ARL8B: variants seen among roughly 807,000 people sequenced by gnomAD.
ARL8B encodes ADP-ribosylation factor-like protein 8B.
A neutral mutation model predicts 30.6 loss-of-function variants in ARL8B; 9 were observed. The observed-to-expected ratio is 0.29, with a 90% CI of 0.18 to 0.51. The LOEUF is 0.51. ARL8B is among the 20% of genes least tolerant of loss of function. ARL8B has a pLI of 0.97. For missense variants in ARL8B, 130 were observed against 227.2 expected (o/e 0.57, Z 2.75); for synonymous variants, 74 against 76.0 (o/e 0.97, Z 0.14).
chr3:5,172,608 T>C lies in ARL8B; in HGVS notation c.279-39T>C, dbSNP rs2054686231. 5 of 1,345,166 alleles carry C rather than the reference T, an allele frequency of 3.7e-6. No individual in the cohort carries two copies. In the Admixed American group the frequency reaches 8.9e-5, roughly 24 times the overall value. The allele number at this position is 1,345,166 out of a possible 1,614,324, so 83.3% of individuals were successfully genotyped here. A position where few individuals can be genotyped will look rare whatever the true frequency, so the allele number is the denominator to read the frequency against. On this transcript the variant is annotated intron_variant, in intron 3 of 6. Coordinates refer to ENST00000256496, the MANE Select transcript of ARL8B (RefSeq NM_018184.3). ...AATACTAGTTGTCATCATCAAGGCA[T>C]ACAGAGAAGGTATGTTGAGATCACT...
intron 1 of ARL8B, among the ~76,000 whole-genome samples, chr3:5,163,477 G>C (rs963273436): frequency 6.6e-6 from 1 of 152,176 alleles, no homozygotes; most frequent in African/African-American, 2.4e-5. Context: ...TTTAAGGATT[G>C]TCCATAGTGT....
At chr3:5,159,648 G>A in intron 1 of ARL8B, among the ~76,000 whole-genome samples, 1 of 149,336 alleles carries the variant, frequency 6.7e-6, no homozygotes, top group South Asian at 2.1e-4. Flanking sequence ...AAAGACTGAA[G>A]GATTTTTGTT....
At chr3:5,124,846 C>T (rs183520349) in intron 1 of ARL8B, among the ~76,000 whole-genome samples, 1 of 152,244 alleles carries the variant, frequency 6.6e-6, no homozygotes, top group East Asian at 1.9e-4. Context: ...CTCATATCCC[C>T]TTGAGATGAG....
intron 4 of ARL8B, 80 bp downstream of exon 4, chr3:5,172,820 A>G (rs141004680): frequency 0.014 from 13,482 of 951,236 alleles, 131 homozygotes; most frequent in Non-Finnish European, 0.017. Flanking sequence ...GATATTAATT[A>G]TGTTTGAAAT....
intron 1 of ARL8B, among the ~76,000 whole-genome samples, chr3:5,147,120 C>T (rs1003776622): frequency 5.9e-5 from 9 of 151,956 alleles, no homozygotes; most frequent in South Asian, 4.2e-4. Flanking sequence ...TGTGCTGCAC[C>T]CACTAACCGG....
chr3:5,127,901 A>AAAAAG (rs1559274157), intron 1 of ARL8B, among the ~76,000 whole-genome samples: 1 of 144,172 alleles, frequency 6.9e-6, no homozygotes, highest in African/African-American at 2.5e-5. Context: ...AAAAAAAAAA[A>AAAAAG]GCGGAGGGCC....
chr3:5,165,991 C>T (rs546775947), intron 1 of ARL8B, among the ~76,000 whole-genome samples: 1 of 151,704 alleles, frequency 6.6e-6, no homozygotes, highest in East Asian at 1.9e-4. Context: ...AACCTGTTTA[C>T]AAAGAATAGT....
At chr3:5,163,734 G>A (rs548009557) in intron 1 of ARL8B, among the ~76,000 whole-genome samples, 1 of 152,292 alleles carries the variant, frequency 6.6e-6, no homozygotes, top group African/African-American at 2.4e-5. Context: ...GCTCTGCATG[G>A]TGGCACGCGC....
Position 5,178,738 on chromosome 3 carries a change from C to A in ARL8B, c.*25C>A. 1 of 1,611,332 alleles carries A rather than the reference C, an allele frequency of 6.2e-7. No homozygotes were observed. Among genetic ancestry groups the A allele is most frequent in the Non-Finnish European group, 8.5e-7 (1 of 1,179,398 alleles). ...AAGCATCTCCTGAAGTCTTCCAGTC[C>A]TTCTTGGCTATAATCCTAGAATTAT... On this transcript the variant is annotated 3_prime_UTR_variant, in exon 7 of 7. Coordinates refer to ENST00000256496, the MANE Select transcript of ARL8B (RefSeq NM_018184.3).
At chr3:5,132,045 G>C (rs1206331679) in intron 1 of ARL8B, among the ~76,000 whole-genome samples, 1 of 152,102 alleles carries the variant, frequency 6.6e-6, no homozygotes, top group African/African-American at 2.4e-5. Context: ...GTCATGCCCA[G>C]CTAATTAAAA....
chr3:5,144,096 A>G (rs762468278), intron 1 of ARL8B, among the ~76,000 whole-genome samples: 7 of 152,212 alleles, frequency 4.6e-5, no homozygotes, highest in Non-Finnish European at 8.8e-5. Flanking sequence ...TAAACCTTCC[A>G]TAATTCCCCT....
At chr3:5,169,307 G>GTGTT (rs1401536921) in intron 1 of ARL8B, among the ~76,000 whole-genome samples, 2 of 43,212 alleles carry the variant, frequency 4.6e-5, no homozygotes, top group African/African-American at 3.8e-4. Flanking sequence ...TACAGTGTTT[G>GTGTT]TGTGTGTGTG....
At chr3:5,166,657 A>G (rs567478048) in intron 1 of ARL8B, among the ~76,000 whole-genome samples, 1 of 152,240 alleles carries the variant, frequency 6.6e-6, no homozygotes, top group South Asian at 2.1e-4. Context: ...TATCTTTAGT[A>G]AAGTGTCCTT....
chr3:5,137,574 G>A (rs1044357401), intron 1 of ARL8B, among the ~76,000 whole-genome samples: 10 of 151,802 alleles, frequency 6.6e-5, no homozygotes, highest in African/African-American at 2.4e-4. Flanking sequence ...AAGTAGCTGG[G>A]ACTACAGGCA....
At chr3:5,137,854 C>CTAGG (rs1364104790) in intron 1 of ARL8B, among the ~76,000 whole-genome samples, 1 of 152,162 alleles carries the variant, frequency 6.6e-6, no homozygotes, top group African/African-American at 2.4e-5. Context: ...TCCCAAAGTG[C>CTAGG]TAGGATTACA....
Position 5,170,656 on chromosome 3 carries a change from G to T in ARL8B, c.204+73G>T, listed in dbSNP as rs532491404. On this transcript the variant is annotated intron_variant, in intron 2 of 6. Transcript: ENST00000256496. ...CTAGAAATTTTTCTGTTAAATTTCT[G>T]TGTTTTTACTGAAAATTTGCAGTTT... is the stretch of plus-strand genomic sequence containing the variant. 7.4e-5 allele frequency: 86 copies of T among 1,160,220 alleles called. 1 individual carries two copies. The Middle Eastern group carries it at 1.1e-3, about 15-fold the overall frequency. 71.9% of individuals were successfully genotyped at this position (1,160,220 alleles called of 1,614,324 possible). A position where few individuals can be genotyped will look rare whatever the true frequency, so the allele number is the denominator to read the frequency against.
chr3:5,137,866 G>C (rs1397618969), intron 1 of ARL8B, among the ~76,000 whole-genome samples: 1 of 152,096 alleles, frequency 6.6e-6, no homozygotes, highest in Non-Finnish European at 1.5e-5. Flanking sequence ...AGGATTACAG[G>C]CACGAGCCAC....
intron 1 of ARL8B, among the ~76,000 whole-genome samples, chr3:5,129,468 GCT>G (rs1448799644): frequency 6.6e-6 from 1 of 152,150 alleles, no homozygotes; most frequent in Admixed American, 6.5e-5. Context: ...ATTAGATACT[GCT>G]CTGTTTGTGT....
rs116458402 is a variant in ARL8B at position 5,180,047 on chromosome 3, T to C, written c.*1334T>C. 766 of 152,794 alleles carry C rather than the reference T, an allele frequency of 5.0e-3. 4 individuals are homozygous for C. Among genetic ancestry groups the C allele is most frequent in the Admixed American group, 0.011 (169 of 15,310 alleles). 9.5% of individuals were successfully genotyped at this position (152,794 alleles called of 1,614,324 possible). ...CACTGTAGTAGATAAAACTCTATGG[T>C]ACACCTGCTTATGTGTTGCCTCACA... is the stretch of plus-strand genomic sequence containing the variant. On this transcript the variant is annotated 3_prime_UTR_variant, in exon 7 of 7. Coordinates refer to ENST00000256496, the MANE Select transcript of ARL8B (RefSeq NM_018184.3).
Sources: gnomAD v4.1 joint callset for allele counts (sites outside exome capture counted in the v4.1 genomes callset) on GRCh38, gnomAD v4.1.1 for gene constraint, MANE v1.5 for transcripts, NCBI Gene and HGNC (gene_info 2026-07-23, HGNC 2026-07-21) for gene names.